The following OPHN1 variants were observed in gnomAD, a reference collection of about 807,000 sequenced individuals.
OPHN1 encodes the protein oligophrenin 1.
OPHN1 carries 11 observed loss-of-function variants against 60.7 expected under a neutral mutation model. The ratio of observed to expected loss-of-function variants is 0.18; its 90% CI spans 0.11 to 0.30. OPHN1 has a LOEUF of 0.30. Among genes scored for constraint, OPHN1 ranks in the 10% least tolerant of loss-of-function variants. The pLI, the probability that OPHN1 is intolerant of heterozygous loss-of-function variation, is 1.00. For synonymous variants in OPHN1, 226 were observed against 222.6 expected (o/e 1.02, Z -0.14); for missense variants, 449 against 611.0 (o/e 0.73, Z 2.80).
chrX:68,053,799 T>C lies in OPHN1; in HGVS notation c.2170A>G (p.Ser724Gly), dbSNP rs760163301. 1.1e-5 allele frequency: 13 copies of C among 1,207,445 alleles called. No homozygotes were observed. Among genetic ancestry groups the C allele is most frequent in the African/African-American group, 1.8e-5 (1 of 56,749 alleles). ...LAHHKEGDADSFSKVRPPGEK... is the reference protein window; with the variant it reads ...LAHHKEGDADGFSKVRPPGEK... The stretch of plus-strand genomic sequence containing the variant: ...CCTGGAGGCCGCACTTTGCTGAAAC[T>C]GTCAGCATCCCCTGGAAGAGAAAAT... The change falls in exon 22 of 25, where the codon AGT (serine) becomes GGT (glycine). Residue 724 changes from serine (S) to glycine (G), a missense_variant. Ser to Gly is a moderately conservative substitution (Grantham distance 56, BLOSUM62 0). Coordinates refer to ENST00000355520, the MANE Select transcript of OPHN1 (RefSeq NM_002547.3).
chrX:68,049,746 C>G (rs192463567), intron 23 of OPHN1, among the ~76,000 whole-genome samples: 6 of 112,049 alleles, frequency 5.4e-5, no homozygotes, highest in Non-Finnish European at 1.1e-4. Context: ...AATGCCTTCA[C>G]GATCTGGCTC....
At chrX:68,048,528 G>A in intron 23 of OPHN1, 71 bp from the exon 24 acceptor site, 3 of 970,512 alleles carry the variant, frequency 3.1e-6, no homozygotes, top group South Asian at 4.0e-5. Flanking sequence ...GGGGGAATGG[G>A]GGACACTTCT....
At chrX:68,243,934 CTAT>C (rs1346471192) in intron 5 of OPHN1, among the ~76,000 whole-genome samples, 1 of 112,000 alleles carries the variant, frequency 8.9e-6, no homozygotes, top group Non-Finnish European at 1.9e-5. Context: ...TAAACAAAAG[CTAT>C]TATTATTATC....
At chrX:68,396,750 G>A (rs745799792) in intron 2 of OPHN1, among the ~76,000 whole-genome samples, 2 of 111,202 alleles carry the variant, frequency 1.8e-5, no homozygotes, top group East Asian at 5.7e-4. Flanking sequence ...TGGAGGCGGA[G>A]GCTCCAGTGA....
chrX:68,223,444 A>T (rs2077673566), intron 6 of OPHN1, among the ~76,000 whole-genome samples: 1 of 112,431 alleles, frequency 8.9e-6, no homozygotes. Context: ...TTCCAAGTGA[A>T]CTAACTCAAA....
intron 19 of OPHN1, among the ~76,000 whole-genome samples, chrX:68,089,236 C>T (rs950007833): frequency 2.7e-5 from 3 of 111,103 alleles, no homozygotes; most frequent in Non-Finnish European, 5.7e-5. Context: ...AACCTGAGAC[C>T]TCAGGCCACT....
chrX:68,339,106 T>TTA (rs1222358413), intron 2 of OPHN1, among the ~76,000 whole-genome samples: 3 of 103,060 alleles, frequency 2.9e-5, no homozygotes, highest in Admixed American at 1.1e-4. Context: ...ATATATATAT[T>TTA]TATATATATA....
chrX:68,081,503 C>T (rs1248509034), intron 19 of OPHN1, among the ~76,000 whole-genome samples: 2 of 111,633 alleles, frequency 1.8e-5, no homozygotes, highest in East Asian at 5.6e-4. Flanking sequence ...GGATTTGGTT[C>T]CAGACCACCA....
At chrX:68,128,892 A>T (rs990120306) in intron 15 of OPHN1, among the ~76,000 whole-genome samples, 3 of 112,002 alleles carry the variant, frequency 2.7e-5, no homozygotes, top group Non-Finnish European at 5.6e-5. Context: ...TCACGATAAG[A>T]CCATCGTATA....
At position 68,354,398 on chromosome X, in the gene OPHN1, C is replaced by T. The variant is rs1251438304; in HGVS notation, c.155-55302G>A. Among the ~76,000 whole-genome samples the T allele has an allele frequency of 7.6e-5, 7 of 92,526 alleles. No homozygotes were observed. In the Admixed American group the frequency reaches 9.1e-4, roughly 12 times the overall value. The allele number at this position is 92,526 out of a possible 115,157, so 80.3% of individuals were successfully genotyped here. A position where few individuals can be genotyped will look rare whatever the true frequency, so the allele number is the denominator to read the frequency against. On this transcript the variant is annotated intron_variant, in intron 2 of 24. Coordinates refer to ENST00000355520, the MANE Select transcript of OPHN1 (RefSeq NM_002547.3). ...CCAGGAGGCAGAGATTGCAGTGAGC[C>T]GAGATCACACCACCACTGCACTCCA...
At chrX:68,368,748 T>C (rs893415078) in intron 2 of OPHN1, among the ~76,000 whole-genome samples, 1 of 111,964 alleles carries the variant, frequency 8.9e-6, no homozygotes, top group Admixed American at 9.6e-5. Context: ...TTTGTTTGTT[T>C]ATTTGTTTGT....
At chrX:68,264,742 G>T (rs186677209) in intron 5 of OPHN1, among the ~76,000 whole-genome samples, 1 of 112,392 alleles carries the variant, frequency 8.9e-6, no homozygotes, top group African/African-American at 3.2e-5. Context: ...TGCCTCACCC[G>T]GGAAGTGCAA....
chrX:68,051,205 C>T (rs923529272), intron 23 of OPHN1, among the ~76,000 whole-genome samples: 10 of 110,881 alleles, frequency 9.0e-5, no homozygotes, highest in Non-Finnish European at 1.9e-4. Flanking sequence ...GAGTTCTGCT[C>T]CTGTCACCTG....
intron 5 of OPHN1, among the ~76,000 whole-genome samples, chrX:68,239,471 G>A (rs1315169888): frequency 9.0e-6 from 1 of 111,589 alleles, no homozygotes; most frequent in South Asian, 3.8e-4. Flanking sequence ...ACCTAGGTCC[G>A]TGGGCACAGG....
chrX:68,135,083 T>C (rs955447712), intron 15 of OPHN1, among the ~76,000 whole-genome samples: 3 of 111,278 alleles, frequency 2.7e-5, no homozygotes, highest in Non-Finnish European at 3.8e-5. Flanking sequence ...CTGAGTTTAA[T>C]TCAAATGCAT....
intron 15 of OPHN1, among the ~76,000 whole-genome samples, chrX:68,124,080 G>C (rs1406970840): frequency 1.8e-5 from 2 of 110,792 alleles, no homozygotes; most frequent in Non-Finnish European, 3.8e-5. Context: ...AAAAAGAACA[G>C]AGTAGCTATA....
chrX:68,056,938 T>A (rs1367344030), intron 21 of OPHN1, among the ~76,000 whole-genome samples: 1 of 111,848 alleles, frequency 8.9e-6, no homozygotes, highest in Non-Finnish European at 1.9e-5. Flanking sequence ...ACTGGCAAAA[T>A]TTTTTTAGCT....
intron 15 of OPHN1, among the ~76,000 whole-genome samples, chrX:68,162,135 A>T (rs1160151484): frequency 9.0e-6 from 1 of 110,896 alleles, no homozygotes; most frequent in Non-Finnish European, 1.9e-5. Context: ...ACAAACTAAA[A>T]CATATAGTAA....
At chrX:68,223,762 T>G (rs1162965748) in intron 6 of OPHN1, among the ~76,000 whole-genome samples, 1 of 111,601 alleles carries the variant, frequency 9.0e-6, no homozygotes, top group Non-Finnish European at 1.9e-5. Flanking sequence ...AGATATATCA[T>G]GCTAACATTA....
Sources: allele counts gnomAD v4.1 joint callset (sites outside exome capture counted in the v4.1 genomes callset), GRCh38; gene constraint gnomAD v4.1.1; transcripts MANE v1.5; gene names NCBI Gene and HGNC (gene_info 2026-07-23, HGNC 2026-07-21).